The following IRF2 variants were observed in gnomAD, a reference collection of about 807,000 sequenced individuals.
IRF2 encodes the protein interferon regulatory factor 2.
Under a neutral mutation model 40.6 loss-of-function variants are expected in IRF2, and 15 were observed. The observed-to-expected ratio is 0.37, with a 90% CI of 0.25 to 0.57. The LOEUF is 0.57. IRF2 is among the 20% of genes least tolerant of loss of function. The probability of loss-of-function intolerance (pLI) is 0.77; values close to 1 mark genes in which losing one functional copy is unlikely to be tolerated. For synonymous variants in IRF2, 151 were observed against 165.5 expected (o/e 0.91, Z 0.67); for missense variants, 317 against 455.7 (o/e 0.70, Z 2.77).
At chr4:184,412,353 G>A (rs993929189) in intron 5 of IRF2, among the ~76,000 whole-genome samples, 1 of 152,074 alleles carries the variant, frequency 6.6e-6, no homozygotes, top group African/African-American at 2.4e-5. Flanking sequence ...ACCAGAGTTA[G>A]AGGACAGCAG....
At chr4:184,447,544 C>T (rs1389818530) in intron 1 of IRF2, among the ~76,000 whole-genome samples, 5 of 152,118 alleles carry the variant, frequency 3.3e-5, no homozygotes, top group African/African-American at 1.2e-4. Flanking sequence ...CTCAAAAATA[C>T]CTCCCACAAA....
At chr4:184,407,448 G>T (rs1736899660) in intron 6 of IRF2, among the ~76,000 whole-genome samples, 1 of 152,334 alleles carries the variant, frequency 6.6e-6, no homozygotes, top group African/African-American at 2.4e-5. Context: ...TTTACAGGGG[G>T]TGCAGCTAGC....
intron 7 of IRF2, among the ~76,000 whole-genome samples, chr4:184,396,803 A>G (rs909171379): frequency 6.6e-6 from 1 of 152,132 alleles, no homozygotes; most frequent in Non-Finnish European, 1.5e-5. Flanking sequence ...ATTATAATTA[A>G]ACAAGTCAAC....
At chr4:184,440,559 T>C (rs1441661021) in intron 1 of IRF2, among the ~76,000 whole-genome samples, 1 of 152,234 alleles carries the variant, frequency 6.6e-6, no homozygotes. Context: ...CAAACATTTG[T>C]GAGAGGCTGG....
Position 184,464,428 on chromosome 4 carries a change from TA to T in IRF2, c.-7+9950del, listed in dbSNP as rs547526546. ...ATGGGATATGAATATAGGAGCCATATAGGATATGAAAATAGCGACTGTATAG... is the reference window on the plus strand; with the variant it reads ...ATGGGATATGAATATAGGAGCCATATGGATATGAAAATAGCGACTGTATAG... On this transcript the variant is annotated intron_variant, in intron 1 of 8. Coordinates refer to ENST00000393593, the MANE Select transcript of IRF2 (RefSeq NM_002199.4). Among the ~76,000 whole-genome samples, 10 of 151,486 alleles carry T rather than the reference TA, an allele frequency of 6.6e-5. No homozygotes were observed. In the South Asian group the frequency reaches 2.1e-3, roughly 32 times the overall value.
At chr4:184,463,685 G>A (rs1196230160) in intron 1 of IRF2, among the ~76,000 whole-genome samples, 2 of 151,966 alleles carry the variant, frequency 1.3e-5, no homozygotes, top group East Asian at 3.9e-4. Context: ...CTGTGGTACG[G>A]CATTCAGCCT....
chr4:184,389,523 G>C (rs1383908357), intron 8 of IRF2, among the ~76,000 whole-genome samples: 2 of 152,160 alleles, frequency 1.3e-5, no homozygotes, highest in Non-Finnish European at 2.9e-5. Context: ...CAAAGGCTTA[G>C]CACCTCTACA....
At chr4:184,404,873 C>T (rs1018719000) in intron 6 of IRF2, among the ~76,000 whole-genome samples, 4 of 152,156 alleles carry the variant, frequency 2.6e-5, no homozygotes, top group East Asian at 1.9e-4. Flanking sequence ...GACAGGGCAG[C>T]GTGCACCTTG....
intron 6 of IRF2, 90 bp from the exon 7 acceptor site, chr4:184,399,169 A>T: frequency 7.4e-7 from 1 of 1,348,858 alleles, no homozygotes; most frequent in Non-Finnish European, 1.0e-6. Flanking sequence ...CAAAAGAGCC[A>T]GGTCGCCAGG....
At chr4:184,463,561 T>C (rs1374842528) in intron 1 of IRF2, among the ~76,000 whole-genome samples, 1 of 152,244 alleles carries the variant, frequency 6.6e-6, no homozygotes, top group Non-Finnish European at 1.5e-5. Context: ...TAATTTTACC[T>C]ACTTCTTTTT....
intron 1 of IRF2, among the ~76,000 whole-genome samples, chr4:184,443,399 C>T (rs1738385420): frequency 6.6e-6 from 1 of 152,186 alleles, no homozygotes; most frequent in African/African-American, 2.4e-5. Flanking sequence ...CTCACTGTTT[C>T]TTGTTCCCAT....
intron 2 of IRF2, among the ~76,000 whole-genome samples, chr4:184,421,667 A>G (rs1737486970): frequency 6.6e-6 from 1 of 152,148 alleles, no homozygotes; most frequent in Non-Finnish European, 1.5e-5. Context: ...CTAACTTGCA[A>G]GACACAAAAT....
rs1383908357 is a variant in IRF2 at position 184,389,523 on chromosome 4, G to A, written c.742-457C>T. Reference sequence around the variant, plus strand: ...GAACTGCAGAATGAACAAAGGCTTAGCACCTCTACATCCCTCAACTGAAAT... The same window carrying A: ...GAACTGCAGAATGAACAAAGGCTTAACACCTCTACATCCCTCAACTGAAAT... On this transcript the variant is annotated intron_variant, in intron 8 of 8. Transcript: ENST00000393593. Among the ~76,000 whole-genome samples the A allele has an allele frequency of 2.6e-5, 4 of 152,160 alleles. No homozygotes were observed. In the East Asian group the frequency reaches 7.7e-4, roughly 29 times the overall value.
intron 1 of IRF2, among the ~76,000 whole-genome samples, chr4:184,432,838 A>C (rs1434454861): frequency 6.6e-6 from 1 of 152,198 alleles, no homozygotes; most frequent in Non-Finnish European, 1.5e-5. Context: ...AGAGGCAAGG[A>C]AGGATTCTCC....
rs767814921 is a variant in IRF2 at position 184,450,121 on chromosome 4, G to A, written c.-6-21051C>T. 3.3e-5 allele frequency among the ~76,000 whole-genome samples: 5 copies of A among 152,134 alleles called. No homozygotes were observed. In the East Asian group the frequency reaches 5.8e-4, roughly 18 times the overall value. ...TATACCACAAGGAACAAAACACCCC[G>A]GAAAGTAATTAGGGCAGAACCCCTT... On this transcript the variant is annotated intron_variant, in intron 1 of 8. Coordinates refer to ENST00000393593, the MANE Select transcript of IRF2 (RefSeq NM_002199.4).
intron 3 of IRF2, 115 bp downstream of exon 3, chr4:184,419,354 A>C: frequency 1.3e-6 from 1 of 750,298 alleles, no homozygotes; most frequent in East Asian, 2.4e-5. Flanking sequence ...GGGACAAGTC[A>C]CAGGTTTTTC....
intron 6 of IRF2, among the ~76,000 whole-genome samples, chr4:184,405,712 A>G (rs1300778687): frequency 6.6e-6 from 1 of 152,210 alleles, no homozygotes; most frequent in East Asian, 1.9e-4. Context: ...AAGGGGATGG[A>G]CTTGAGAAGT....
intron 1 of IRF2, among the ~76,000 whole-genome samples, chr4:184,459,201 G>A (rs542002195): frequency 6.6e-6 from 1 of 152,252 alleles, no homozygotes; most frequent in Admixed American, 6.5e-5. Context: ...CACAAGGGCA[G>A]CCGCGAGGAT....
intron 1 of IRF2, among the ~76,000 whole-genome samples, chr4:184,442,239 G>C (rs911712866): frequency 1.3e-5 from 2 of 152,148 alleles, no homozygotes; most frequent in African/African-American, 2.4e-5. Context: ...GCCAACCCGA[G>C]CTTTCCTTTT....
Sources: allele counts gnomAD v4.1 joint callset (sites outside exome capture counted in the v4.1 genomes callset), GRCh38; gene constraint gnomAD v4.1.1; transcripts MANE v1.5; gene names NCBI Gene and HGNC (gene_info 2026-07-23, HGNC 2026-07-21).